SV2C: variants seen among roughly 807,000 people sequenced by gnomAD.
The protein encoded by SV2C is synaptic vesicle glycoprotein 2C.
SV2C carries 49 observed loss-of-function variants against 79.7 expected under a neutral mutation model. The ratio of observed to expected loss-of-function variants is 0.61; its 90% CI spans 0.49 to 0.78. SV2C has a LOEUF of 0.78. Ranked by LOEUF, SV2C falls within the 30% of genes least tolerant of loss-of-function variation. The pLI is 0.00. For missense variants in SV2C, 833 were observed against 912.9 expected (o/e 0.91, Z 1.13); for synonymous variants, 334 against 333.2 (o/e 1.00, Z -0.03).
chr5:76,019,757 GA>G, the SV2C span, among the ~76,000 whole-genome samples: 2 of 152,162 alleles, frequency 1.3e-5, no homozygotes, highest in Non-Finnish European at 2.9e-5. Context: ...TACAATTGGG[GA>G]AAACTAACAA....
intron 1 of SV2C, among the ~76,000 whole-genome samples, chr5:76,102,160 G>A (rs1176395463): frequency 1.3e-5 from 2 of 152,180 alleles, no homozygotes; most frequent in Non-Finnish European, 2.9e-5. Flanking sequence ...CTGTTCTTGT[G>A]TTTAAAATCA....
chr5:76,077,618 A>C, the SV2C span, among the ~76,000 whole-genome samples: 1 of 152,232 alleles, frequency 6.6e-6, no homozygotes, highest in African/African-American at 2.4e-5. Context: ...ACCAGCCACA[A>C]GAGCAATCCA....
At chr5:75,968,826 A>G in the SV2C span, among the ~76,000 whole-genome samples, 1 of 152,148 alleles carries the variant, frequency 6.6e-6, no homozygotes, top group Non-Finnish European at 1.5e-5. Context: ...TATAGAGAAC[A>G]CCACAAAGAT....
At chr5:75,944,975 T>C in the SV2C span, among the ~76,000 whole-genome samples, 2 of 151,978 alleles carry the variant, frequency 1.3e-5, no homozygotes, top group Non-Finnish European at 2.9e-5. Context: ...TCAAAACATC[T>C]GACCAATGTG....
At chr5:76,082,759 C>A (rs1489758716), upstream of SV2C, among the ~76,000 whole-genome samples, 1 of 151,650 alleles carries the variant, frequency 6.6e-6, no homozygotes, top group Non-Finnish European at 1.5e-5. Flanking sequence ...GCGAAGTTTT[C>A]TTCTGTTTGC....
chr5:76,122,473 G>T lies in SV2C; in HGVS notation c.-101-9177G>T, dbSNP rs565103210. Among the ~76,000 whole-genome samples, 844 of 150,870 alleles carry T rather than the reference G, an allele frequency of 5.6e-3. 6 individuals carry two copies. The highest frequency in any genetic ancestry group is 0.019 in the African/African-American group (797 of 41,114). ...CAGTTTTCAAAGGGAATGCTTCCAG[G>T]TTTTGCCCATTCAGTATGATATTGG... On this transcript the variant is annotated intron_variant, in intron 1 of 12. Transcript: ENST00000502798.
chr5:75,890,177 A>G, the SV2C span, among the ~76,000 whole-genome samples: 1 of 152,244 alleles, frequency 6.6e-6, no homozygotes, highest in South Asian at 2.1e-4. Context: ...TAGACTTTAA[A>G]TTGTGAAGGA....
chr5:76,017,487 C>A, the SV2C span, among the ~76,000 whole-genome samples: 4 of 152,068 alleles, frequency 2.6e-5, no homozygotes, highest in African/African-American at 2.4e-5. Flanking sequence ...GGGGTTTCAC[C>A]AGGCTGGTCT....
chr5:76,177,350 G>A (rs1425528585), intron 2 of SV2C, among the ~76,000 whole-genome samples: 1 of 151,564 alleles, frequency 6.6e-6, no homozygotes, highest in Non-Finnish European at 1.5e-5. Flanking sequence ...GGACCCGCTA[G>A]TGATACCTAG....
chr5:76,171,513 C>T (rs893209390), intron 2 of SV2C, among the ~76,000 whole-genome samples: 3 of 132,614 alleles, frequency 2.3e-5, no homozygotes, highest in South Asian at 5.0e-4. Flanking sequence ...GCAACCACCC[C>T]GTCTGAGAAG....
intron 4 of SV2C, among the ~76,000 whole-genome samples, chr5:76,249,285 G>C (rs534113254): frequency 6.6e-6 from 1 of 152,080 alleles, no homozygotes; most frequent in African/African-American, 2.4e-5. Context: ...TAAGTGGGTG[G>C]TTCTGTAGTA....
intron 1 of SV2C, among the ~76,000 whole-genome samples, chr5:76,124,956 T>C (rs184377561): frequency 6.6e-6 from 1 of 152,308 alleles, no homozygotes; most frequent in African/African-American, 2.4e-5. Flanking sequence ...TGAGGATATT[T>C]CTGGGACCTT....
At chr5:75,978,805 C>T in the SV2C span, among the ~76,000 whole-genome samples, 1 of 151,974 alleles carries the variant, frequency 6.6e-6, no homozygotes, top group Non-Finnish European at 1.5e-5. Context: ...TCAAGAGACT[C>T]ATGTCAGGGC....
At chr5:75,998,269 C>A in the SV2C span, among the ~76,000 whole-genome samples, 2 of 151,952 alleles carry the variant, frequency 1.3e-5, no homozygotes, top group African/African-American at 2.4e-5. Flanking sequence ...TGTAGCATAC[C>A]AACATGGCAC....
intron 4 of SV2C, among the ~76,000 whole-genome samples, chr5:76,212,153 G>A (rs576079176): frequency 5.3e-5 from 8 of 151,792 alleles, no homozygotes; most frequent in South Asian, 4.2e-4. Context: ...AACCTTCCTC[G>A]GTAGAGCAGC....
At chr5:76,003,571 G>T in the SV2C span, among the ~76,000 whole-genome samples, 18 of 152,178 alleles carry the variant, frequency 1.2e-4, no homozygotes, top group East Asian at 3.3e-3. Context: ...TGCTTGTAAG[G>T]CTCAGTAACA....
At chr5:76,158,490 G>C (rs1245986545) in intron 2 of SV2C, among the ~76,000 whole-genome samples, 7 of 151,064 alleles carry the variant, frequency 4.6e-5, no homozygotes, top group Admixed American at 4.6e-4. Flanking sequence ...CAATTTATTA[G>C]GATGATATAA....
the SV2C span, among the ~76,000 whole-genome samples, chr5:76,061,584 C>G: frequency 1.3e-5 from 2 of 151,956 alleles, no homozygotes; most frequent in Non-Finnish European, 2.9e-5. Flanking sequence ...CCTCCTCTGC[C>G]CCCAGATTTT....
At chr5:75,964,853 G>A in the SV2C span, among the ~76,000 whole-genome samples, 3 of 152,230 alleles carry the variant, frequency 2.0e-5, no homozygotes, top group South Asian at 2.1e-4. Flanking sequence ...CATATATGCT[G>A]TTGTCATTAT....
Sources: allele counts gnomAD v4.1 joint callset (sites outside exome capture counted in the v4.1 genomes callset), GRCh38; gene constraint gnomAD v4.1.1; transcripts MANE v1.5; gene names NCBI Gene and HGNC (gene_info 2026-07-23, HGNC 2026-07-21).